The following UTRN variants were observed in gnomAD, a reference collection of about 807,000 sequenced individuals.
UTRN encodes utrophin.
In UTRN, 283 loss-of-function variants were observed where a neutral mutation model predicts 463.9. The ratio of observed to expected loss-of-function variants is 0.61; its 90% CI spans 0.55 to 0.67. UTRN has a LOEUF of 0.67. Ranked by LOEUF, UTRN falls within the 30% of genes least tolerant of loss-of-function variation. UTRN has a pLI of 0.00. For missense variants in UTRN, 3,922 were observed against 4,084.3 expected (o/e 0.96, Z 1.08); for synonymous variants, 1,442 against 1,431.5 (o/e 1.01, Z -0.17).
intron 41 of UTRN, among the ~76,000 whole-genome samples, chr6:144,530,121 A>T (rs562366058): frequency 1.3e-5 from 2 of 152,214 alleles, no homozygotes; most frequent in African/African-American, 4.8e-5. Flanking sequence ...TAATCTGCTC[A>T]GGCAGCCGTT....
intron 32 of UTRN, among the ~76,000 whole-genome samples, chr6:144,491,496 G>A (rs943045146): frequency 2.0e-5 from 3 of 151,986 alleles, no homozygotes; most frequent in African/African-American, 7.3e-5. Flanking sequence ...CATTTTCTAG[G>A]AAAATAAAAA....
chr6:144,764,145 C>T lies in UTRN; in HGVS notation c.8495+6156C>T, dbSNP rs530364171. 5.3e-4 allele frequency among the ~76,000 whole-genome samples: 80 copies of T among 152,210 alleles called. 2 individuals carry two copies. Among genetic ancestry groups the T allele is most frequent in the African/African-American group, 1.8e-3 (76 of 41,532 alleles). On this transcript the variant is annotated intron_variant, in intron 58 of 74. Transcript: ENST00000367545. ...AAGTCTGCTGATGGGGAGGTAAGAA[C>T]AAAATTGCTTTATGAAAGAATGTAA...
chr6:144,682,864 T>C (rs1782353727), intron 52 of UTRN, among the ~76,000 whole-genome samples: 1 of 152,222 alleles, frequency 6.6e-6, no homozygotes, highest in Admixed American at 6.5e-5. Context: ...TGGTATGTGT[T>C]CAGTAATTGT....
At chr6:144,548,045 T>C (rs1457256588) in intron 46 of UTRN, among the ~76,000 whole-genome samples, 1 of 152,184 alleles carries the variant, frequency 6.6e-6, no homozygotes, top group African/African-American at 2.4e-5. Flanking sequence ...ATACATACTT[T>C]TTTTTGTATT....
chr6:144,471,271 A>C (rs1269904767), intron 23 of UTRN, among the ~76,000 whole-genome samples: 1 of 152,182 alleles, frequency 6.6e-6, no homozygotes, highest in African/African-American at 2.4e-5. Flanking sequence ...CTCATATGCC[A>C]GTGACTGGAG....
chr6:144,434,343 A>T (rs9496971), intron 9 of UTRN, among the ~76,000 whole-genome samples: 2,779 of 27,864 alleles, frequency 0.1, 101 homozygotes, highest in African/African-American at 0.26. Context: ...GAAAGAGGGG[A>T]GGGGGAGGGG....
chr6:144,427,627 A>C (rs976200538), intron 7 of UTRN, among the ~76,000 whole-genome samples: 12 of 152,156 alleles, frequency 7.9e-5, no homozygotes, highest in Admixed American at 4.6e-4. Flanking sequence ...TTAGTGTTTT[A>C]CCATAAGAAT....
chr6:144,826,556 G>A (rs899182123), intron 66 of UTRN, among the ~76,000 whole-genome samples: 1 of 152,120 alleles, frequency 6.6e-6, no homozygotes, highest in Non-Finnish European at 1.5e-5. Flanking sequence ...ATTTCATGGA[G>A]ACTTGGGAAT....
intron 14 of UTRN, among the ~76,000 whole-genome samples, chr6:144,446,177 G>A (rs1787676556): frequency 6.6e-6 from 1 of 152,138 alleles, no homozygotes; most frequent in African/African-American, 2.4e-5. Context: ...TAAAAATAGA[G>A]TGCTAGTATT....
rs768217097 is a variant in UTRN, at chr6:144,451,363, CA to C, written c.2073-4del. The C allele has an allele frequency of 1.2e-5, 20 of 1,607,920 alleles. No individual in the cohort carries two copies. The African/African-American group carries it at 2.4e-4, about 19-fold the overall frequency. ...TGACAAATGGTCACCTCTGAATCTT[CA>C]AACAGGTTTGATGCTATAAGTGCAG... On this transcript the variant is annotated splice_polypyrimidine_tract_variant and splice_region_variant and intron_variant, in intron 17 of 74. Coordinates refer to ENST00000367545, the MANE Select transcript of UTRN (RefSeq NM_007124.3).
intron 23 of UTRN, among the ~76,000 whole-genome samples, chr6:144,471,827 A>G (rs1346776282): frequency 2.0e-5 from 3 of 152,250 alleles, no homozygotes; most frequent in Non-Finnish European, 4.4e-5. Flanking sequence ...AAGTGCTTAG[A>G]CAGGATGGTA....
At chr6:144,299,297 C>T (rs1805026446) in intron 2 of UTRN, among the ~76,000 whole-genome samples, 2 of 152,138 alleles carry the variant, frequency 1.3e-5, no homozygotes, top group Non-Finnish European at 2.9e-5. Context: ...ACAAGGAAGG[C>T]AGGTTTAAAA....
Position 144,669,395 on chromosome 6 carries a change from T to C in UTRN, c.7480-9011T>C, listed in dbSNP as rs1780759046. Among the ~76,000 whole-genome samples the C allele has an allele frequency of 2.0e-5, 3 of 152,302 alleles. No homozygotes were observed. The South Asian group carries it at 6.2e-4, about 32-fold the overall frequency. On this transcript the variant is annotated intron_variant, in intron 51 of 74. Coordinates refer to ENST00000367545, the MANE Select transcript of UTRN (RefSeq NM_007124.3). The stretch of plus-strand genomic sequence containing the variant: ...GTGTCAAATTATACACAAATGCATA[T>C]GCCAATTAAAGTATGTACTTTTAAA...
chr6:144,376,255 T>C (rs974113520), intron 2 of UTRN, among the ~76,000 whole-genome samples: 6 of 152,028 alleles, frequency 3.9e-5, no homozygotes, highest in African/African-American at 1.4e-4. Context: ...AGGAGTTCGA[T>C]ACCAGCCTGG....
chr6:144,788,254 T>A (rs1776453800), intron 61 of UTRN, among the ~76,000 whole-genome samples: 1 of 152,194 alleles, frequency 6.6e-6, no homozygotes, highest in Admixed American at 6.5e-5. Context: ...CTAAGATCAC[T>A]GACTATTAAA....
intron 58 of UTRN, among the ~76,000 whole-genome samples, chr6:144,765,626 G>T (rs1468228830): frequency 6.6e-6 from 1 of 152,128 alleles, no homozygotes; most frequent in Non-Finnish European, 1.5e-5. Flanking sequence ...GCCCAGGCTG[G>T]TCTCAAACTC....
Position 144,554,878 on chromosome 6 carries a change from A to T in UTRN, c.7119A>T (p.Gln2373His). ...QQARRDPLTK[Q>H]ISDNQILLQE... ...CCCGACGGGATCCACTCACCAAACA[A>T]ATTTCTGATAACCAAGTAAGACTCA... Residue 2373 changes from glutamine (Q) to histidine (H), a missense_variant, in exon 49 of 75, where the codon CAA becomes CAT. This residue lies in a region of UTRN where 1,309 missense variants were observed against 1,452.6 expected (regional missense o/e 0.90). Transcript: ENST00000367545. 1 of 1,613,954 alleles carries T rather than the reference A, an allele frequency of 6.2e-7. No homozygotes were observed. Among genetic ancestry groups the T allele is most frequent in the Non-Finnish European group, 8.5e-7 (1 of 1,179,952 alleles).
chr6:144,772,032 T>TG, intron 59 of UTRN, 64 bp downstream of exon 59: 2 of 1,056,730 alleles, frequency 1.9e-6, no homozygotes, highest in South Asian at 1.8e-5. Context: ...TTTTTTTTTT[T>TG]TTTTTTTTTT....
At chr6:144,517,512 T>C (rs1283188325) in intron 39 of UTRN, among the ~76,000 whole-genome samples, 1 of 152,156 alleles carries the variant, frequency 6.6e-6, no homozygotes, top group Non-Finnish European at 1.5e-5. Context: ...AGCTCTTTTT[T>C]AAACGGCAAT....
Sources: allele counts gnomAD v4.1 joint callset (sites outside exome capture counted in the v4.1 genomes callset), GRCh38; gene constraint gnomAD v4.1.1; regional missense constraint gnomAD v4.1.1; transcripts MANE v1.5; gene names NCBI Gene and HGNC (gene_info 2026-07-23, HGNC 2026-07-21).